Variants in PNPLA7 observed in about 807,000 individuals in gnomAD.
PNPLA7 encodes patatin-like phospholipase domain-containing protein 7.
PNPLA7 carries 153 observed loss-of-function variants against 161.7 expected under a neutral mutation model. The ratio of observed to expected loss-of-function variants is 0.95; its 90% CI spans 0.83 to 1.08. PNPLA7 has a LOEUF of 1.08. Ranked by LOEUF, PNPLA7 falls within the 50% of genes least tolerant of loss-of-function variation. PNPLA7 has a pLI of 0.00. For synonymous variants in PNPLA7, 809 were observed against 782.1 expected (o/e 1.03, Z -0.57); for missense variants, 1,739 against 1,856.6 (o/e 0.94, Z 1.16).
chr9:137,479,470 C>A (rs1169724225), intron 23 of PNPLA7: 4 of 1,229,246 alleles, frequency 3.3e-6, no homozygotes, highest in African/African-American at 3.1e-5. Flanking sequence ...GAGGGGGACG[C>A]CTCCTCTTTC....
intron 10 of PNPLA7, among the ~76,000 whole-genome samples, chr9:137,521,239 A>G (rs773645256): frequency 6.6e-6 from 1 of 152,208 alleles, no homozygotes; most frequent in Non-Finnish European, 1.5e-5. Flanking sequence ...GATGTCCTAC[A>G]GAACACAGGT....
At chr9:137,508,786 C>T (rs1834050522) in intron 12 of PNPLA7, 1 of 152,070 alleles carries the variant, frequency 6.6e-6, no homozygotes, top group Non-Finnish European at 1.5e-5. Context: ...CATCAAAAGA[C>T]ACCACTACGA....
intron 4 of PNPLA7, among the ~76,000 whole-genome samples, chr9:137,545,545 A>G (rs552465534): frequency 2.3e-4 from 35 of 152,250 alleles, no homozygotes; most frequent in Non-Finnish European, 3.8e-4. Context: ...GACTGAGGGC[A>G]TGAGCTGTTC....
chr9:137,522,837 T>C lies in PNPLA7; in HGVS notation c.768A>G (p.Lys256=). ...GGATGGCCGCGCGGACGGAGACCGTTTTGTAAGGTGCAGCATGGCCCTGTA... is the reference window on the plus strand; with the variant it reads ...GGATGGCCGCGCGGACGGAGACCGTCTTGTAAGGTGCAGCATGGCCCTGTA... ...DIITGHAAPY[K]TVSVRAAIPS... Residue 256 remains lysine, a synonymous_variant, in exon 9 of 35, where the codon AAA becomes AAG. Transcript: ENST00000406427. The C allele has an allele frequency of 6.2e-7, 1 of 1,613,342 alleles. No homozygotes were observed. Among genetic ancestry groups the C allele is most frequent in the South Asian group, 1.1e-5 (1 of 91,074 alleles).
Position 137,497,226 on chromosome 9 carries a change from G to A in PNPLA7, c.1974C>T (p.Arg658=). 1.3e-6 allele frequency: 2 copies of A among 1,588,994 alleles called. No homozygotes were observed. Among genetic ancestry groups the A allele is most frequent in the Non-Finnish European group, 1.7e-6 (2 of 1,168,848 alleles). ...SVIRKDDGKK[R]LAGEYGRGDL... ...CTCCTCGGCCGTACTCCCCGGCCAG[G>A]CGCTTCTTCCCATCATCCTTCCGGA... Residue 658 remains arginine, a synonymous_variant, in exon 18 of 35, where the codon CGC becomes CGT. Coordinates refer to ENST00000406427, the MANE Select transcript of PNPLA7 (RefSeq NM_001098537.3).
chr9:137,519,913 G>A lies in PNPLA7; in HGVS notation c.1084+4C>T, dbSNP rs1183867731. 3 of 1,611,408 alleles carry A rather than the reference G, an allele frequency of 1.9e-6. No homozygotes were observed. Among genetic ancestry groups the A allele is most frequent in the Admixed American group, 3.3e-5 (2 of 59,862 alleles). On this transcript the variant is annotated splice_donor_region_variant and intron_variant, in intron 11 of 34. Transcript: ENST00000406427. Reference sequence around the variant, plus strand: ...ACATTGCCCTCCTTGGTGCAGGACAGTACCTGAGTCACAGGACTCCTGGAG... The same window carrying A: ...ACATTGCCCTCCTTGGTGCAGGACAATACCTGAGTCACAGGACTCCTGGAG...
chr9:137,531,635 C>T (rs866219207), intron 8 of PNPLA7, among the ~76,000 whole-genome samples: 1 of 152,188 alleles, frequency 6.6e-6, no homozygotes, highest in African/African-American at 2.4e-5. Flanking sequence ...TGAACTAGAA[C>T]GACACCCACT....
chr9:137,465,913 C>T (rs965912652), intron 26 of PNPLA7, among the ~76,000 whole-genome samples: 3 of 152,132 alleles, frequency 2.0e-5, no homozygotes, highest in African/African-American at 7.2e-5. Context: ...CTCTGCTGCC[C>T]GAGGGGAGCC....
chr9:137,473,817 T>G (rs1008738260), intron 25 of PNPLA7, among the ~76,000 whole-genome samples: 3 of 152,080 alleles, frequency 2.0e-5, no homozygotes, highest in African/African-American at 7.3e-5. Context: ...TCGGTGGGGA[T>G]GTGGGTCACT....
At position 137,541,578 on chromosome 9, in the gene PNPLA7, G is replaced by T; in HGVS notation, c.667-856C>A. On this transcript the variant is annotated intron_variant, in intron 7 of 34. Coordinates refer to ENST00000406427, the MANE Select transcript of PNPLA7 (RefSeq NM_001098537.3). The surrounding 1 kb of genome is among the most constrained non-coding windows in gnomAD (Gnocchi z 4.4). ...ACAAAGCCCAGGGTTTGCTGAGTGC[G>T]TGCTTTAAATGAGAACAAGCAATGG... 1 of 806,118 alleles carries T rather than the reference G, an allele frequency of 1.2e-6. No individual in the cohort carries two copies. Among genetic ancestry groups the T allele is most frequent in the Non-Finnish European group, 1.5e-6 (1 of 666,202 alleles). The allele number at this position is 806,118 out of a possible 1,614,324, so 49.9% of individuals were successfully genotyped here. A position where few individuals can be genotyped will look rare whatever the true frequency, so the allele number is the denominator to read the frequency against.
intron 1 of PNPLA7, among the ~76,000 whole-genome samples, chr9:137,548,919 G>A (rs192054375): frequency 3.9e-5 from 6 of 152,200 alleles, no homozygotes; most frequent in Admixed American, 1.3e-4. Context: ...GAACCCCTAC[G>A]CTCACTCTCA....
chr9:137,515,458 G>T lies in PNPLA7; in HGVS notation c.1146C>A (p.Pro382=). 6.3e-7 allele frequency: 1 copy of T among 1,591,498 alleles called. No individual in the cohort carries two copies. Among genetic ancestry groups the T allele is most frequent in the East Asian group, 2.3e-5 (1 of 44,046 alleles). ...AGATCTGTTTGCGAATGGAAGGCGC[G>T]GGGACGGAGTGGCTCCTCTTCAGCA... ...GPLLKRSHSV[P]APSIRKQILE... The change falls in exon 12 of 35, where the codon CCC becomes CCA. Residue 382 remains proline (P), a synonymous_variant. Coordinates refer to ENST00000406427, the MANE Select transcript of PNPLA7 (RefSeq NM_001098537.3).
In PNPLA7 at chr9:137,463,546, C is replaced by T. The variant is rs759328081; in HGVS notation, c.3227-15G>A. The T allele has an allele frequency of 2.3e-5, 36 of 1,555,474 alleles. No homozygotes were observed. Among genetic ancestry groups the T allele is most frequent in the African/African-American group, 1.5e-4 (11 of 73,800 alleles). On this transcript the variant is annotated splice_polypyrimidine_tract_variant and intron_variant, in intron 28 of 34. Coordinates refer to ENST00000406427, the MANE Select transcript of PNPLA7 (RefSeq NM_001098537.3). Reference sequence around the variant, plus strand: ...CCACAGGGAGCCTGGGGAGGGGGCCCGGAGCTGCTGGTTACCCGGAGGAGG... The same window carrying T: ...CCACAGGGAGCCTGGGGAGGGGGCCTGGAGCTGCTGGTTACCCGGAGGAGG...
intron 4 of PNPLA7, among the ~76,000 whole-genome samples, chr9:137,545,955 A>G (rs2132656862): frequency 6.6e-6 from 1 of 152,194 alleles, no homozygotes; most frequent in East Asian, 1.9e-4. Flanking sequence ...AGGGGAGTTC[A>G]GAGATGACTC....
At position 137,478,027 on chromosome 9, in the gene PNPLA7, G is replaced by A. The variant is rs760472162; in HGVS notation, c.2882+7C>T. The A allele has an allele frequency of 1.3e-5, 18 of 1,416,824 alleles. No individual in the cohort carries two copies. The African/African-American group carries it at 1.6e-4, about 13-fold the overall frequency. 87.8% of individuals were successfully genotyped at this position (1,416,824 alleles called of 1,614,324 possible). Reference sequence around the variant, plus strand: ...GTGAGGAGTGTGTAGGAAGCGGGGGGACTCACCTTGCTCCCCCTCCCCCAA... The same window carrying A: ...GTGAGGAGTGTGTAGGAAGCGGGGGAACTCACCTTGCTCCCCCTCCCCCAA... On this transcript the variant is annotated splice_region_variant and intron_variant, in intron 25 of 34. Coordinates refer to ENST00000406427, the MANE Select transcript of PNPLA7 (RefSeq NM_001098537.3).
At position 137,486,276 on chromosome 9, in the gene PNPLA7, C is replaced by T. The variant is rs955861560; in HGVS notation, c.2198-1540G>A. 2.0e-5 allele frequency among the ~76,000 whole-genome samples: 3 copies of T among 152,142 alleles called. No individual in the cohort carries two copies. Among genetic ancestry groups the T allele is most frequent in the East Asian group, 1.9e-4 (1 of 5,192 alleles). On this transcript the variant is annotated intron_variant, in intron 20 of 34. Transcript: ENST00000406427. This position sits in a 1 kb window ranked among gnomAD's most constrained non-coding sequence, Gnocchi z 6.0. ...CTTAAGGGCCACTCCCTGCAGACGG[C>T]GGCCAGCGGACACCTGCAAGATCCT...
At chr9:137,546,086 G>A (rs1836507313) in intron 4 of PNPLA7, among the ~76,000 whole-genome samples, 1 of 152,156 alleles carries the variant, frequency 6.6e-6, no homozygotes. Flanking sequence ...CCGCCTTCAT[G>A]TTCCATCCTG....
intron 12 of PNPLA7, among the ~76,000 whole-genome samples, chr9:137,513,829 A>T (rs1834359436): frequency 6.6e-6 from 1 of 152,242 alleles, no homozygotes; most frequent in Non-Finnish European, 1.5e-5. Context: ...AACACAAATC[A>T]ACCAAACTCC....
intron 25 of PNPLA7, among the ~76,000 whole-genome samples, chr9:137,470,500 A>T (rs1356453406): frequency 6.6e-6 from 1 of 152,148 alleles, no homozygotes; most frequent in Non-Finnish European, 1.5e-5. Context: ...ACACCACTGC[A>T]CTCCAGCCTG....
Sources: gnomAD v4.1 joint callset for allele counts (sites outside exome capture counted in the v4.1 genomes callset) on GRCh38, gnomAD v4.1.1 for gene constraint, Gnocchi (gnomAD v3.1) non-coding constraint, MANE v1.5 for transcripts, NCBI Gene and HGNC (gene_info 2026-07-23, HGNC 2026-07-21) for gene names.